The following WWOX variants were observed in gnomAD, a reference collection of about 807,000 sequenced individuals.
WWOX encodes WW domain-containing oxidoreductase.
Under a neutral mutation model 46.2 loss-of-function variants are expected in WWOX, and 69 were observed. That is an observed-to-expected ratio of 1.49 (90% confidence interval 1.23 to 1.82). The LOEUF is 1.82. Among genes scored for constraint, WWOX ranks in the 40% most tolerant of loss-of-function variants. The pLI is 0.00. For synonymous variants in WWOX, 359 were observed against 202.6 expected (o/e 1.77, Z -6.56); for missense variants, 919 against 542.6 (o/e 1.69, Z -6.89).
intron 4 of WWOX, among the ~76,000 whole-genome samples, chr16:78,153,162 A>T (rs1170145820): frequency 6.6e-6 from 1 of 152,194 alleles, no homozygotes; most frequent in Non-Finnish European, 1.5e-5. Context: ...GGCAAATGTG[A>T]TCATTCAGGT....
intron 5 of WWOX, among the ~76,000 whole-genome samples, chr16:78,184,765 G>A (rs1398541987): frequency 6.6e-6 from 1 of 152,150 alleles, no homozygotes; most frequent in African/African-American, 2.4e-5. Context: ...TAGCAGATGT[G>A]ATAAGCCCTC....
Position 79,181,261 on chromosome 16 carries a change from A to T in WWOX, c.1057-30347A>T, listed in dbSNP as rs528366345. 3.3e-5 allele frequency among the ~76,000 whole-genome samples: 5 copies of T among 152,212 alleles called. 1 individual carries two copies. The highest frequency in any genetic ancestry group is 3.3e-4 in the Admixed American group (5 of 15,276). ...GTCAAGACATACGGAACACGTATAG[A>T]TCAAACAAAAATTTTTAAAAATGCT... On this transcript the variant is annotated intron_variant, in intron 8 of 8. Transcript: ENST00000566780.
intron 8 of WWOX, among the ~76,000 whole-genome samples, chr16:78,540,664 C>G (rs1012823558): frequency 3.3e-5 from 5 of 151,680 alleles, no homozygotes; most frequent in South Asian, 2.1e-4. Flanking sequence ...TTTCTATAGG[C>G]TCCTGCAAAT....
chr16:78,436,012 A>G (rs2083327102), intron 8 of WWOX, among the ~76,000 whole-genome samples: 1 of 152,176 alleles, frequency 6.6e-6, no homozygotes, highest in Non-Finnish European at 1.5e-5. Flanking sequence ...ATTTGATTCC[A>G]TGTTTGTTAA....
chr16:78,278,579 C>T (rs749184322), intron 5 of WWOX: 30 of 1,599,186 alleles, frequency 1.9e-5, no homozygotes, highest in Non-Finnish European at 2.5e-5. Context: ...TTTTACACAA[C>T]TGTCTTTTGT....
chr16:78,247,370 G>T (rs2037846175), intron 5 of WWOX, among the ~76,000 whole-genome samples: 1 of 152,120 alleles, frequency 6.6e-6, no homozygotes, highest in African/African-American at 2.4e-5. Context: ...TAGTGGACAT[G>T]GTTCTCATTG....
At chr16:78,462,861 G>A (rs903265596) in intron 8 of WWOX, among the ~76,000 whole-genome samples, 7 of 152,204 alleles carry the variant, frequency 4.6e-5, no homozygotes, top group African/African-American at 1.7e-4. Flanking sequence ...AATTTTTGTT[G>A]CTTTCCTGGG....
intron 5 of WWOX, among the ~76,000 whole-genome samples, chr16:78,354,936 C>G (rs1470010796): frequency 6.6e-6 from 1 of 152,076 alleles, no homozygotes; most frequent in Non-Finnish European, 1.5e-5. Flanking sequence ...GAATTCAAGA[C>G]TACTGGGCAA....
At chr16:78,103,226 CCT>C (rs1181426673) in intron 1 of WWOX, among the ~76,000 whole-genome samples, 8 of 149,446 alleles carry the variant, frequency 5.4e-5, no homozygotes, top group Non-Finnish European at 1.0e-4. Flanking sequence ...CTCAAGCTGG[CCT>C]CTCTGGCTCC....
intron 4 of WWOX, among the ~76,000 whole-genome samples, chr16:78,158,494 C>A (rs2034679170): frequency 6.6e-6 from 1 of 151,972 alleles, no homozygotes; most frequent in Admixed American, 6.6e-5. Flanking sequence ...TCTCCTTTCC[C>A]CTTTTTTGAG....
chr16:78,838,798 G>T (rs769786655), intron 8 of WWOX, among the ~76,000 whole-genome samples: 52 of 152,136 alleles, frequency 3.4e-4, no homozygotes, highest in African/African-American at 1.2e-3. Flanking sequence ...AGCCCAGATC[G>T]TGCCCCTGTA....
chr16:78,327,693 C>G (rs773483713), intron 5 of WWOX, among the ~76,000 whole-genome samples: 14 of 151,996 alleles, frequency 9.2e-5, no homozygotes, highest in Non-Finnish European at 1.9e-4. Context: ...TCAGTAGATG[C>G]TTTCCTCTGA....
At chr16:78,802,696 A>C (rs1036944858) in intron 8 of WWOX, among the ~76,000 whole-genome samples, 1 of 151,820 alleles carries the variant, frequency 6.6e-6, no homozygotes, top group African/African-American at 2.4e-5. Flanking sequence ...CAGGCAGATT[A>C]CTTGAGGTCA....
In WWOX at chr16:78,476,818, A is replaced by G. The variant is rs561628262; in HGVS notation, c.1056+44066A>G. On this transcript the variant is annotated intron_variant, in intron 8 of 8. Coordinates refer to ENST00000566780, the MANE Select transcript of WWOX (RefSeq NM_016373.4). Reference sequence around the variant, plus strand: ...ACAATAGGCAATTGAGATAGGAAAGACTAATTTAGAAAAGGTTGTTTTGTT... The same window carrying G: ...ACAATAGGCAATTGAGATAGGAAAGGCTAATTTAGAAAAGGTTGTTTTGTT... 2.0e-5 allele frequency among the ~76,000 whole-genome samples: 3 copies of G among 152,200 alleles called. No individual in the cohort carries two copies. The South Asian group carries it at 6.2e-4, about 32-fold the overall frequency.
At chr16:78,562,945 C>T (rs2044473892) in intron 8 of WWOX, among the ~76,000 whole-genome samples, 1 of 152,094 alleles carries the variant, frequency 6.6e-6, no homozygotes, top group South Asian at 2.1e-4. Flanking sequence ...CTTACTCTGC[C>T]ATATGCTGTG....
At position 78,443,589 on chromosome 16, in the gene WWOX, C is replaced by T. The variant is rs548824936; in HGVS notation, c.1056+10837C>T. Among the ~76,000 whole-genome samples, 4 of 152,304 alleles carry T rather than the reference C, an allele frequency of 2.6e-5. No individual in the cohort carries two copies. The East Asian group carries it at 7.7e-4, about 29-fold the overall frequency. ...TTATAGTGTTTTAAATCCGCCTCGG[C>T]CTTTGTTCCTGAATGAGCACCCGAG... On this transcript the variant is annotated intron_variant, in intron 8 of 8. Transcript: ENST00000566780.
intron 8 of WWOX, among the ~76,000 whole-genome samples, chr16:79,119,568 T>G (rs1309953792): frequency 6.6e-6 from 1 of 152,220 alleles, no homozygotes; most frequent in Non-Finnish European, 1.5e-5. Flanking sequence ...GGTTTTACAT[T>G]GAGAATCTCA....
rs150622265 is a variant in WWOX at position 78,786,136 on chromosome 16, C to T, written c.1056+353384C>T. 3.0e-3 allele frequency among the ~76,000 whole-genome samples: 463 copies of T among 152,276 alleles called. 1 individual carries two copies. Among genetic ancestry groups the T allele is most frequent in the African/African-American group, 0.011 (439 of 41,558 alleles). On this transcript the variant is annotated intron_variant, in intron 8 of 8. Coordinates refer to ENST00000566780, the MANE Select transcript of WWOX (RefSeq NM_016373.4). ...TGTTGGCCAGGCTGGTTTTGAACTC[C>T]TGCCCTCCGGTGATCTGCCTGTCTC...
chr16:78,459,017 T>C (rs1008463395), intron 8 of WWOX, among the ~76,000 whole-genome samples: 3 of 152,214 alleles, frequency 2.0e-5, no homozygotes, highest in African/African-American at 4.8e-5. Context: ...AATTACAACC[T>C]AGAGGGATTC....
Sources: allele counts gnomAD v4.1 joint callset (sites outside exome capture counted in the v4.1 genomes callset), GRCh38; gene constraint gnomAD v4.1.1; transcripts MANE v1.5; gene names NCBI Gene and HGNC (gene_info 2026-07-23, HGNC 2026-07-21).